Variants in HYDIN observed in about 807,000 individuals in gnomAD.
The protein encoded by HYDIN is HYDIN axonemal central pair apparatus protein.
Under a neutral mutation model 403.9 loss-of-function variants are expected in HYDIN, and 132 were observed. The observed-to-expected ratio is 0.33, with a 90% confidence interval of 0.28 to 0.38. The LOEUF (loss-of-function observed/expected upper bound fraction) is 0.38, where lower values mean the gene tolerates loss of function less well. Ranked by LOEUF, HYDIN falls within the 10% of genes least tolerant of loss-of-function variation. The pLI is 1.00. For missense variants in HYDIN, 2,827 were observed against 5,009.5 expected (o/e 0.56, Z 13.15); for synonymous variants, 1,202 against 1,891.7 (o/e 0.64, Z 9.46).
chr16:70,961,363 G>T (rs1396875969), intron 38 of HYDIN, among the ~76,000 whole-genome samples: 8 of 151,962 alleles, frequency 5.3e-5, no homozygotes, highest in Admixed American at 3.9e-4. Flanking sequence ...TATGAATGAT[G>T]ACTTAGCTCC....
Position 70,862,168 on chromosome 16 carries a change from G to T in HYDIN, c.11657C>A (p.Ser3886Tyr). 1 of 1,613,046 alleles carries T rather than the reference G, an allele frequency of 6.2e-7. No individual in the cohort carries two copies. Among genetic ancestry groups the T allele is most frequent in the Non-Finnish European group, 8.5e-7 (1 of 1,179,586 alleles). Residue 3886 changes from serine (S) to tyrosine (Y), a missense_variant, in exon 69 of 86, where the codon TCC becomes TAC. Physicochemically the swap from Ser to Tyr is moderately radical, Grantham distance 144. Transcript: ENST00000393567. ...DSTMDHWAEGSPQPFSVEPSS... is the reference protein window; with the variant it reads ...DSTMDHWAEGYPQPFSVEPSS... ...GGGCTCCACAGAGAAGGGCTGTGGG[G>T]AACCCTCGGCCCAGTGGTCCATGGT...
chr16:70,809,864 G>A lies in HYDIN; in HGVS notation c.14802C>T (p.Phe4934=), dbSNP rs766069657. 1.9e-6 allele frequency: 3 copies of A among 1,614,238 alleles called. No homozygotes were observed. The South Asian group carries it at 3.3e-5, about 18-fold the overall frequency. ...TTTGGCTGCTGCCAAGGACAGTCTG[G>A]AAGTGAACAGGCTTTTCCGGAAGTG... is the stretch of plus-strand genomic sequence containing the variant. ...TPALPEKPVH[F]QTVLGSSQII... Residue 4934 remains phenylalanine, a synonymous_variant, in exon 85 of 86, where the codon TTC becomes TTT. Coordinates refer to ENST00000393567, the MANE Select transcript of HYDIN (RefSeq NM_001270974.2).
At position 70,809,626 on chromosome 16, in the gene HYDIN, A is replaced by G. The variant is rs368421446; in HGVS notation, c.14883+157T>C. On this transcript the variant is annotated intron_variant, in intron 85 of 85. Coordinates refer to ENST00000393567, the MANE Select transcript of HYDIN (RefSeq NM_001270974.2). ...TGTTTGTTTCTAGCTGGGAGTTTCCAGGCTAGATTCAGGCCTCTGAGGCAG... is the reference window on the plus strand; with the variant it reads ...TGTTTGTTTCTAGCTGGGAGTTTCCGGGCTAGATTCAGGCCTCTGAGGCAG... 4.5e-4 allele frequency among the ~76,000 whole-genome samples: 69 copies of G among 152,334 alleles called. No individual in the cohort carries two copies. In the South Asian group the frequency reaches 0.014, roughly 30 times the overall value.
At chr16:70,845,684 G>A (rs960025877) in intron 75 of HYDIN, among the ~76,000 whole-genome samples, 1 of 135,842 alleles carries the variant, frequency 7.4e-6, no homozygotes, top group African/African-American at 3.4e-5. Flanking sequence ...ACTCTTTTTG[G>A]TTGGTAAACT....
intron 36 of HYDIN, among the ~76,000 whole-genome samples, chr16:70,969,619 C>CA (rs1314392526): frequency 6.6e-6 from 1 of 152,052 alleles, no homozygotes; most frequent in Non-Finnish European, 1.5e-5. Context: ...ACCCTAACAA[C>CA]AGAGCTAAAG....
chr16:70,810,880 T>G (rs1460772333), intron 84 of HYDIN, among the ~76,000 whole-genome samples: 1 of 151,350 alleles, frequency 6.6e-6, no homozygotes, highest in Non-Finnish European at 1.5e-5. Flanking sequence ...ATGAAAGGTG[T>G]TGATGTTGAT....
intron 9 of HYDIN, among the ~76,000 whole-genome samples, chr16:71,127,000 A>G (rs2084491901): frequency 6.6e-6 from 1 of 152,112 alleles, no homozygotes; most frequent in Non-Finnish European, 1.5e-5. Flanking sequence ...AGTAATGTAT[A>G]AGGTAAGATT....
chr16:70,860,416 A>G (rs549860061), intron 70 of HYDIN, among the ~76,000 whole-genome samples: 1 of 143,448 alleles, frequency 7.0e-6, no homozygotes, highest in East Asian at 1.9e-4. Flanking sequence ...AATGCTGCCA[A>G]GGGCACAACT....
chr16:71,172,164 A>G (rs1197512267), intron 5 of HYDIN, among the ~76,000 whole-genome samples: 1 of 152,236 alleles, frequency 6.6e-6, no homozygotes, highest in Non-Finnish European at 1.5e-5. Context: ...TAAATTTCAT[A>G]GTGACAAACT....
intron 5 of HYDIN, among the ~76,000 whole-genome samples, chr16:71,175,073 C>T (rs2144638011): frequency 6.6e-6 from 1 of 151,364 alleles, no homozygotes; most frequent in Admixed American, 6.6e-5. Context: ...TCTACACCAC[C>T]ATCACCACCA....
Position 70,863,130 on chromosome 16 carries a change from C to T in HYDIN, c.11524G>A (p.Glu3842Lys), listed in dbSNP as rs12149154. The change falls in exon 68 of 86, where the codon GAA (glutamate) becomes AAA (lysine). Residue 3842 changes from glutamate (E) to lysine (K), a missense_variant. Physicochemically the swap from Glu to Lys is moderately conservative, Grantham distance 56 (BLOSUM62 1). Transcript: ENST00000393567. Reference sequence around the variant, plus strand: ...AAGCTGACTGCCTTTGAGGTATCTTCTGAGACCCAGCTGAATTCCAGCTGG... The same window carrying T: ...AAGCTGACTGCCTTTGAGGTATCTTTTGAGACCCAGCTGAATTCCAGCTGG... Reference protein sequence around the residue: ...RVQLEFSWVSEDTSKAVSFAK... With the variant: ...RVQLEFSWVSKDTSKAVSFAK... 3 of 1,614,146 alleles carry T rather than the reference C, an allele frequency of 1.9e-6. No homozygotes were observed. The highest frequency in any genetic ancestry group is 3.3e-5 in the Admixed American group (2 of 60,030).
chr16:71,222,876 C>T (rs564183232), intron 1 of HYDIN, among the ~76,000 whole-genome samples: 102 of 152,250 alleles, frequency 6.7e-4, no homozygotes, highest in Middle Eastern at 6.8e-3. Context: ...CCTATGCTCA[C>T]GAATGGGAAG....
intron 21 of HYDIN, among the ~76,000 whole-genome samples, chr16:71,022,671 T>C (rs2144130986): frequency 6.6e-6 from 1 of 151,062 alleles, no homozygotes; most frequent in Admixed American, 6.6e-5. Flanking sequence ...GTCCCTGATG[T>C]GGATTAAATG....
intron 10 of HYDIN, among the ~76,000 whole-genome samples, chr16:71,097,769 T>C (rs1380446332): frequency 6.7e-6 from 1 of 149,736 alleles, no homozygotes; most frequent in African/African-American, 2.5e-5. Context: ...GGAAAGAGGA[T>C]ATATTTGCTC....
At chr16:71,163,405 G>A (rs938019682) in intron 5 of HYDIN, among the ~76,000 whole-genome samples, 1 of 152,138 alleles carries the variant, frequency 6.6e-6, no homozygotes, top group African/African-American at 2.4e-5. Flanking sequence ...TTACAGGCGT[G>A]AGCCACCGCG....
intron 83 of HYDIN, among the ~76,000 whole-genome samples, chr16:70,819,149 G>A (rs2036056387): frequency 6.6e-6 from 1 of 151,690 alleles, no homozygotes; most frequent in African/African-American, 2.4e-5. Context: ...TCCTGACCTC[G>A]AGTGATCTGT....
chr16:71,003,360 C>G (rs559773673), intron 23 of HYDIN, among the ~76,000 whole-genome samples: 11 of 152,054 alleles, frequency 7.2e-5, no homozygotes, highest in African/African-American at 2.2e-4. Flanking sequence ...AAGTATGTCT[C>G]ACCATTTATT....
chr16:71,137,916 G>C (rs374700855), intron 7 of HYDIN, among the ~76,000 whole-genome samples: 2 of 148,394 alleles, frequency 1.3e-5, no homozygotes, highest in Admixed American at 6.6e-5. Flanking sequence ...CAAAACAAAA[G>C]AAACACACAC....
chr16:71,030,867 T>C (rs2080880731), intron 19 of HYDIN, among the ~76,000 whole-genome samples: 1 of 152,018 alleles, frequency 6.6e-6, no homozygotes, highest in Admixed American at 6.6e-5. Context: ...ATCTCAGTTG[T>C]CGGTACTATG....
Sources: allele counts gnomAD v4.1 joint callset (sites outside exome capture counted in the v4.1 genomes callset), GRCh38; gene constraint gnomAD v4.1.1; transcripts MANE v1.5; gene names NCBI Gene and HGNC (gene_info 2026-07-23, HGNC 2026-07-21).